Variants in SLC38A1 observed in about 807,000 individuals in gnomAD.
SLC38A1 encodes sodium-coupled neutral amino acid symporter 1.
In SLC38A1, 18 loss-of-function variants were observed where a neutral mutation model predicts 60.3. That is an observed-to-expected ratio of 0.30 (90% CI 0.21 to 0.44). The LOEUF is 0.44. Among genes scored for constraint, SLC38A1 ranks in the 20% least tolerant of loss-of-function variants. The pLI is 1.00. For missense variants in SLC38A1, 448 were observed against 587.2 expected (o/e 0.76, Z 2.45); for synonymous variants, 196 against 212.1 (o/e 0.92, Z 0.66).
rs748149942 is a variant in SLC38A1 at position 46,198,622 on chromosome 12, C to T, written c.1122+3G>A. On this transcript the variant is annotated splice_donor_region_variant and intron_variant, in intron 14 of 16. Coordinates refer to ENST00000398637, the MANE Select transcript of SLC38A1 (RefSeq NM_030674.4). ...CTCATATTGCACAGAGGCCCTTACT[C>T]ACCGTGAAAAATAACACCGGCACTG... 7 of 1,597,524 alleles carry T rather than the reference C, an allele frequency of 4.4e-6. No homozygotes were observed. Among genetic ancestry groups the T allele is most frequent in the Non-Finnish European group, 6.0e-6 (7 of 1,169,660 alleles).
chr12:46,221,494 G>C (rs1385854164), intron 5 of SLC38A1, among the ~76,000 whole-genome samples: 2 of 152,164 alleles, frequency 1.3e-5, no homozygotes, highest in African/African-American at 4.8e-5. Context: ...CCTACTAAAA[G>C]TCTGAGGGTG....
chr12:46,210,459 A>G (rs1447138116), intron 5 of SLC38A1, among the ~76,000 whole-genome samples: 1 of 152,218 alleles, frequency 6.6e-6, no homozygotes, highest in African/African-American at 2.4e-5. Flanking sequence ...ACAGGAATTT[A>G]GGTTAAGATA....
At chr12:46,211,756 C>T (rs1369262021) in intron 5 of SLC38A1, among the ~76,000 whole-genome samples, 1 of 152,156 alleles carries the variant, frequency 6.6e-6, no homozygotes, top group Non-Finnish European at 1.5e-5. Context: ...AAACAACCCC[C>T]TCCCATGTTT....
chr12:46,210,116 G>A (rs1352836495), intron 5 of SLC38A1, among the ~76,000 whole-genome samples: 1 of 152,170 alleles, frequency 6.6e-6, no homozygotes, highest in Admixed American at 6.5e-5. Flanking sequence ...TGCGTGGGCT[G>A]CTTCCTCCTG....
chr12:46,186,713 A>G lies in SLC38A1; in HGVS notation c.*2257T>C, dbSNP rs1938949073. On this transcript the variant is annotated 3_prime_UTR_variant, in exon 17 of 17. Transcript: ENST00000398637. ...GCCTCCTCTAAATAAATCTATTTTA[A>G]ATAAATATTCCTTGTATTGACACAT... 1 of 152,232 alleles carries G rather than the reference A, an allele frequency of 6.6e-6. No homozygotes were observed. The highest frequency in any genetic ancestry group is 2.4e-5 in the African/African-American group (1 of 41,456). The allele number at this position is 152,232 out of a possible 1,614,324, so 9.4% of individuals were successfully genotyped here. A position where few individuals can be genotyped will look rare whatever the true frequency, so the allele number is the denominator to read the frequency against.
rs906589677 is a variant in SLC38A1 at position 46,263,090 on chromosome 12, G to T, written c.-209+5436C>A. 1.6e-4 allele frequency among the ~76,000 whole-genome samples: 24 copies of T among 152,108 alleles called. 1 individual carries two copies. The highest frequency in any genetic ancestry group is 1.4e-3 in the Admixed American group (21 of 15,264). ...TTCTAACAGGACATTGGAACAAACT[G>T]GGGAGCTTTAAAAAAATAAAAGTGA... On this transcript the variant is annotated intron_variant, in intron 1 of 16. Coordinates refer to ENST00000398637, the MANE Select transcript of SLC38A1 (RefSeq NM_030674.4).
chr12:46,240,534 T>C (rs1941411553), intron 2 of SLC38A1, among the ~76,000 whole-genome samples: 1 of 152,154 alleles, frequency 6.6e-6, no homozygotes, highest in Non-Finnish European at 1.5e-5. Context: ...TTCAGTTATT[T>C]TAATGTGTCA....
Position 46,212,421 on chromosome 12 carries a change from G to A in SLC38A1, c.315-3294C>T, listed in dbSNP as rs150651716. Among the ~76,000 whole-genome samples the A allele has an allele frequency of 5.5e-4, 84 of 152,272 alleles. No homozygotes were observed. The East Asian group carries it at 0.012, about 21-fold the overall frequency. ...ACAAAAACTGGTTGCTAAAAAAGGC[G>A]TACTTACATGGGGACTACAGATCAG... is the stretch of plus-strand genomic sequence containing the variant. On this transcript the variant is annotated intron_variant, in intron 5 of 16. Coordinates refer to ENST00000398637, the MANE Select transcript of SLC38A1 (RefSeq NM_030674.4).
intron 1 of SLC38A1, among the ~76,000 whole-genome samples, chr12:46,244,610 T>C (rs1369989772): frequency 6.6e-6 from 1 of 152,210 alleles, no homozygotes; most frequent in Non-Finnish European, 1.5e-5. Flanking sequence ...CAGATTTGGC[T>C]CAAGTGATGT....
intron 1 of SLC38A1, among the ~76,000 whole-genome samples, chr12:46,256,636 C>CACAGAGAGAGAGAGAGAG (rs142176282): frequency 8.1e-6 from 1 of 123,266 alleles, no homozygotes; most frequent in East Asian, 2.6e-4. Context: ...CACACACACA[C>CACAGAGAGAGAGAGAGAG]AGAGAGAGAG....
chr12:46,183,109 G>A lies in SLC38A1; in HGVS notation c.*5861C>T, dbSNP rs1938821630. 6.6e-6 allele frequency: 1 copy of A among 152,202 alleles called. No homozygotes were observed. Among genetic ancestry groups the A allele is most frequent in the Admixed American group, 6.6e-5 (1 of 15,210 alleles). 9.4% of individuals were successfully genotyped at this position (152,202 alleles called of 1,614,324 possible). ...AATGTTTAAAAACTATGTTAACAGAGCAGTTATAGAACAGAACTTCTTATA... is the reference window on the plus strand; with the variant it reads ...AATGTTTAAAAACTATGTTAACAGAACAGTTATAGAACAGAACTTCTTATA... On this transcript the variant is annotated 3_prime_UTR_variant, in exon 17 of 17. Coordinates refer to ENST00000398637, the MANE Select transcript of SLC38A1 (RefSeq NM_030674.4).
At position 46,207,628 on chromosome 12, in the gene SLC38A1, A is replaced by G. The variant is rs764589943; in HGVS notation, c.389-7T>C. 1.9e-6 allele frequency: 3 copies of G among 1,612,982 alleles called. No homozygotes were observed. Among genetic ancestry groups the G allele is most frequent in the Admixed American group, 3.3e-5 (2 of 59,980 alleles). Reference sequence around the variant, plus strand: ...TTTTCATACACCATGCAGCCTATTTAAAAATCAAATTTGAGAACACAAGAA... The same window carrying G: ...TTTTCATACACCATGCAGCCTATTTGAAAATCAAATTTGAGAACACAAGAA... On this transcript the variant is annotated splice_polypyrimidine_tract_variant and splice_region_variant and intron_variant, in intron 6 of 16. Coordinates refer to ENST00000398637, the MANE Select transcript of SLC38A1 (RefSeq NM_030674.4).
chr12:46,189,858 A>G (rs546149328), intron 16 of SLC38A1, among the ~76,000 whole-genome samples: 113 of 152,240 alleles, frequency 7.4e-4, no homozygotes, highest in African/African-American at 2.6e-3. Flanking sequence ...GCCCTCCGCT[A>G]TGATTGTGAG....
At chr12:46,204,149 A>C in intron 11 of SLC38A1, 152 bp downstream of exon 11, 2 of 644,602 alleles carry the variant, frequency 3.1e-6, no homozygotes, top group South Asian at 3.8e-5. Flanking sequence ...ATATTTCTCA[A>C]GGATCTCTAC....
rs986862017 is a variant in SLC38A1, at chr12:46,183,403, T to A, written c.*5567A>T. 6.6e-6 allele frequency: 1 copy of A among 152,214 alleles called. No individual in the cohort carries two copies. The highest frequency in any genetic ancestry group is 1.5e-5 in the Non-Finnish European group (1 of 68,036). 9.4% of individuals were successfully genotyped at this position (152,214 alleles called of 1,614,324 possible). ...ATACCTTAGACAGTCTATGTTGGCG[T>A]CAACACTAAAATAAAAGGCAAACAT... On this transcript the variant is annotated 3_prime_UTR_variant, in exon 17 of 17. Transcript: ENST00000398637.
chr12:46,255,906 G>A (rs1311410986), intron 1 of SLC38A1, among the ~76,000 whole-genome samples: 1 of 152,162 alleles, frequency 6.6e-6, no homozygotes, highest in African/African-American at 2.4e-5. Flanking sequence ...GCTCAAGCCT[G>A]TAATCCCACC....
chr12:46,231,156 G>A (rs1941062295), intron 3 of SLC38A1, among the ~76,000 whole-genome samples: 1 of 152,086 alleles, frequency 6.6e-6, no homozygotes, highest in Admixed American at 6.5e-5. Context: ...GCAGCAACGT[G>A]GGTAGAGCTG....
chr12:46,261,290 G>T (rs887434059), intron 1 of SLC38A1, among the ~76,000 whole-genome samples: 1 of 152,152 alleles, frequency 6.6e-6, no homozygotes, highest in East Asian at 1.9e-4. Context: ...TGTTCCAGTT[G>T]AGAACCTGCT....
chr12:46,223,153 G>T (rs1940725090), intron 5 of SLC38A1, among the ~76,000 whole-genome samples: 1 of 152,124 alleles, frequency 6.6e-6, no homozygotes, highest in Non-Finnish European at 1.5e-5. Flanking sequence ...TTTAGATCAC[G>T]CTGGCTCTAG....
Sources: gnomAD v4.1 joint callset for allele counts (sites outside exome capture counted in the v4.1 genomes callset) on GRCh38, gnomAD v4.1.1 for gene constraint, MANE v1.5 for transcripts, NCBI Gene and HGNC (gene_info 2026-07-23, HGNC 2026-07-21) for gene names.